PUM2: variants seen among roughly 807,000 people sequenced by gnomAD.
The protein encoded by PUM2 is pumilio RNA binding family member 2, also known as pumilio homolog 2.
In PUM2, 57 loss-of-function variants were observed where a neutral mutation model predicts 124.5. The observed-to-expected ratio is 0.46, with a 90% CI of 0.37 to 0.57. PUM2 has a LOEUF of 0.57. Among genes scored for constraint, PUM2 ranks in the 20% least tolerant of loss-of-function variants. The pLI is 0.00. For synonymous variants in PUM2, 460 were observed against 446.1 expected (o/e 1.03, Z -0.39); for missense variants, 1,065 against 1,290.6 (o/e 0.83, Z 2.68).
chr2:20,312,356 T>C lies in PUM2; in HGVS notation c.228A>G (p.Glu76=). 1 of 1,613,574 alleles carries C rather than the reference T, an allele frequency of 6.2e-7. No individual in the cohort carries two copies. The highest frequency in any genetic ancestry group is 8.5e-7 in the Non-Finnish European group (1 of 1,179,570). Reference sequence around the variant, plus strand: ...ATCGCGGAGACAGTATTGCATTTACTTCACTGTTTCCATGAAAACCCTGTC... The same window carrying C: ...ATCGCGGAGACAGTATTGCATTTACCTCACTGTTTCCATGAAAACCCTGTC... The part of the protein sequence containing the change: ...RSGQGFHGNS[E]VNAILSPRSE... The change falls in exon 4 of 21, where the codon GAA becomes GAG. Residue 76 remains glutamate (E), a synonymous_variant. Coordinates refer to ENST00000361078, the MANE Select transcript of PUM2 (RefSeq NM_015317.5).
At position 20,283,499 on chromosome 2, in the gene PUM2, A is replaced by G; in HGVS notation, c.1292-13T>C. 1 of 1,586,090 alleles carries G rather than the reference A, an allele frequency of 6.3e-7. No individual in the cohort carries two copies. The highest frequency in any genetic ancestry group is 8.6e-7 in the Non-Finnish European group (1 of 1,166,116). On this transcript the variant is annotated splice_polypyrimidine_tract_variant and intron_variant, in intron 10 of 20. Coordinates refer to ENST00000361078, the MANE Select transcript of PUM2 (RefSeq NM_015317.5). ...AGTACTTGATAGCCTAAATAAAATAAAGGTTTACTAATGAAAGCACTTATT... is the reference window on the plus strand; with the variant it reads ...AGTACTTGATAGCCTAAATAAAATAGAGGTTTACTAATGAAAGCACTTATT...
At chr2:20,314,403 C>T (rs1200363954) in intron 3 of PUM2, among the ~76,000 whole-genome samples, 1 of 151,956 alleles carries the variant, frequency 6.6e-6, no homozygotes, top group Non-Finnish European at 1.5e-5. Flanking sequence ...TATATTTTTT[C>T]TCCATACTTT....
At chr2:20,260,810 T>TA (rs1666017924) in intron 14 of PUM2, among the ~76,000 whole-genome samples, 1 of 152,142 alleles carries the variant, frequency 6.6e-6, no homozygotes, top group Non-Finnish European at 1.5e-5. Context: ...TAGAACATAA[T>TA]AAAGGAAACC....
At chr2:20,346,975 C>G (rs942398038) in intron 1 of PUM2, among the ~76,000 whole-genome samples, 1 of 152,212 alleles carries the variant, frequency 6.6e-6, no homozygotes, top group Non-Finnish European at 1.5e-5. Context: ...CCTCCCTTCT[C>G]CTTTTACACT....
chr2:20,266,474 C>G (rs1053912755), intron 13 of PUM2, among the ~76,000 whole-genome samples: 44 of 147,132 alleles, frequency 3.0e-4, no homozygotes, highest in Non-Finnish European at 6.3e-4. Flanking sequence ...ACAACAACAA[C>G]AACAACCCCC....
At position 20,350,585 on chromosome 2, in the gene PUM2, GGACT is replaced by G. The variant is rs1689160622; in HGVS notation, c.-19+8_-19+11del. On this transcript the variant is annotated splice_region_variant and intron_variant, in intron 1 of 20. Coordinates refer to ENST00000361078, the MANE Select transcript of PUM2 (RefSeq NM_015317.5). ...AAAGGACCGGAGAAAGAGCGAACGC[GGACT>G]GACTTACAGGGCTGCTGCGGCCGCG... 1 of 985,454 alleles carries G rather than the reference GGACT, an allele frequency of 1.0e-6. No individual in the cohort carries two copies. Among genetic ancestry groups the G allele is most frequent in the Non-Finnish European group, 1.2e-6 (1 of 829,954 alleles). 61.0% of individuals were successfully genotyped at this position (985,454 alleles called of 1,614,324 possible). A position where few individuals can be genotyped will look rare whatever the true frequency, so the allele number is the denominator to read the frequency against.
At chr2:20,297,417 C>A in intron 8 of PUM2, 136 bp downstream of exon 8, 1 of 848,788 alleles carries the variant, frequency 1.2e-6, no homozygotes. Flanking sequence ...TTCCTGGAAA[C>A]TTTAGTTCAT....
chr2:20,259,629 C>T (rs1665685647), intron 15 of PUM2, among the ~76,000 whole-genome samples: 1 of 152,182 alleles, frequency 6.6e-6, no homozygotes, highest in Non-Finnish European at 1.5e-5. Context: ...CTTTTTATGG[C>T]TGAATAATAT....
chr2:20,311,546 T>C lies in PUM2; in HGVS notation c.466A>G (p.Ile156Val), dbSNP rs1203985812. Residue 156 changes from isoleucine (I) to valine (V), a missense_variant, in exon 5 of 21, where the codon ATA becomes GTA. Transcript: ENST00000361078. ...LKQGDDDDSKINGRGLPNGMD... is the reference protein window; with the variant it reads ...LKQGDDDDSKVNGRGLPNGMD... ...CCATTTGGCAAACCTCTGCCATTTA[T>C]TTTAGAATCATCATCATCTCCTTGT... 15 of 1,613,160 alleles carry C rather than the reference T, an allele frequency of 9.3e-6. No individual in the cohort carries two copies. The highest frequency in any genetic ancestry group is 1.3e-5 in the Non-Finnish European group (15 of 1,179,568).
chr2:20,342,891 C>T (rs1302438819), intron 1 of PUM2, among the ~76,000 whole-genome samples: 1 of 152,112 alleles, frequency 6.6e-6, no homozygotes, highest in Non-Finnish European at 1.5e-5. Context: ...ATCAAAAACA[C>T]CACCAAACAT....
intron 14 of PUM2, among the ~76,000 whole-genome samples, 157 bp downstream of exon 14, chr2:20,263,036 T>A (rs943685606): frequency 6.6e-6 from 1 of 152,230 alleles, no homozygotes; most frequent in Non-Finnish European, 1.5e-5. Context: ...TTTTATAATT[T>A]ATCCTAACAT....
At position 20,261,489 on chromosome 2, in the gene PUM2, G is replaced by A. The variant is rs141395710; in HGVS notation, c.2226-1023C>T. On this transcript the variant is annotated intron_variant, in intron 14 of 20. Transcript: ENST00000361078. ...ACTGAGTTACTGGTTTGTGTATTTA[G>A]TATACTTTTTATTGTTATTTTAGAG... is the stretch of plus-strand genomic sequence containing the variant. Among the ~76,000 whole-genome samples the A allele has an allele frequency of 2.9e-5, 4 of 138,204 alleles. No individual in the cohort carries two copies. The East Asian group carries it at 6.3e-4, about 22-fold the overall frequency. 90.7% of individuals were successfully genotyped at this position (138,204 alleles called of 152,430 possible).
At chr2:20,313,914 G>A (rs941813798) in intron 3 of PUM2, among the ~76,000 whole-genome samples, 6 of 151,506 alleles carry the variant, frequency 4.0e-5, no homozygotes, top group East Asian at 1.9e-4. Flanking sequence ...AGACTGAGGC[G>A]GGTGGACTGC....
intron 2 of PUM2, among the ~76,000 whole-genome samples, chr2:20,323,736 C>T (rs948232661): frequency 6.6e-6 from 1 of 151,700 alleles, no homozygotes; most frequent in South Asian, 2.1e-4. Flanking sequence ...GAAAACTGAC[C>T]AAGGTTACAC....
chr2:20,290,530 A>G, intron 10 of PUM2, 122 bp downstream of exon 10: 2 of 1,021,968 alleles, frequency 2.0e-6, no homozygotes, highest in Non-Finnish European at 1.4e-6. Context: ...TGAGTTCTAA[A>G]TATTTTGTTA....
chr2:20,324,691 A>G (rs988323521), intron 2 of PUM2, among the ~76,000 whole-genome samples: 3 of 152,202 alleles, frequency 2.0e-5, no homozygotes, highest in Non-Finnish European at 4.4e-5. Flanking sequence ...ACATGCTATC[A>G]GTGTAAAAAC....
chr2:20,320,435 A>C (rs2148749405), intron 2 of PUM2, among the ~76,000 whole-genome samples: 1 of 152,328 alleles, frequency 6.6e-6, no homozygotes, highest in South Asian at 2.1e-4. Flanking sequence ...TGACCACAAT[A>C]GGAAAACAAC....
At chr2:20,280,155 T>C (rs1671169914) in intron 12 of PUM2, among the ~76,000 whole-genome samples, 1 of 152,084 alleles carries the variant, frequency 6.6e-6, no homozygotes, top group South Asian at 2.1e-4. Context: ...TTAATTACGT[T>C]GGTTTTGCCA....
At chr2:20,255,082 ATAGT>A in intron 18 of PUM2, 98 bp from the exon 19 acceptor site, 1 of 1,488,604 alleles carries the variant, frequency 6.7e-7, no homozygotes, top group Non-Finnish European at 9.2e-7. Flanking sequence ...ATCCAGTAGG[ATAGT>A]TAGGAGAATA....
Sources: gnomAD v4.1 joint callset for allele counts (sites outside exome capture counted in the v4.1 genomes callset) on GRCh38, gnomAD v4.1.1 for gene constraint, MANE v1.5 for transcripts, NCBI Gene and HGNC (gene_info 2026-07-23, HGNC 2026-07-21) for gene names.